The following CFAP61 variants were observed in gnomAD, a reference collection of about 807,000 sequenced individuals.
CFAP61 encodes cilia and flagella associated protein 61.
In CFAP61, 107 loss-of-function variants were observed where a neutral mutation model predicts 135.6. That is an observed-to-expected ratio of 0.79 (90% CI 0.67 to 0.93). CFAP61 has a LOEUF of 0.93. Among genes scored for constraint, CFAP61 ranks in the 40% least tolerant of loss-of-function variants. The pLI is 0.00. For synonymous variants in CFAP61, 575 were observed against 578.5 expected (o/e 0.99, Z 0.09); for missense variants, 1,507 against 1,556.2 (o/e 0.97, Z 0.53).
intron 1 of CFAP61, among the ~76,000 whole-genome samples, chr20:20,053,851 G>A (rs6046575): frequency 0.14 from 21,521 of 152,072 alleles, 1,664 homozygotes; most frequent in East Asian, 0.22. Context: ...ATGTGTTACT[G>A]TAAACAATTG....
intron 13 of CFAP61, among the ~76,000 whole-genome samples, chr20:20,184,362 T>C (rs1314596858): frequency 6.6e-6 from 1 of 152,214 alleles, no homozygotes; most frequent in African/African-American, 2.4e-5. Flanking sequence ...AGCCATGAGG[T>C]GGCAGCAGTG....
chr20:20,054,953 C>T (rs2044188935), intron 1 of CFAP61, among the ~76,000 whole-genome samples: 1 of 152,120 alleles, frequency 6.6e-6, no homozygotes, highest in African/African-American at 2.4e-5. Flanking sequence ...TTTTGGAATT[C>T]CCATAAGACA....
chr20:20,166,294 G>A, intron 11 of CFAP61, 103 bp from the exon 12 acceptor site: 2 of 879,076 alleles, frequency 2.3e-6, no homozygotes, highest in Non-Finnish European at 3.8e-6. Flanking sequence ...CTAGTGGTTG[G>A]CTAATCGCTG....
intron 26 of CFAP61, among the ~76,000 whole-genome samples, chr20:20,357,819 G>A (rs2059293897): frequency 8.3e-6 from 1 of 120,680 alleles, no homozygotes; most frequent in Non-Finnish European, 1.8e-5. Flanking sequence ...ATACTGAGGG[G>A]AGGTGGTCAC....
chr20:20,114,805 T>G (rs894297761), intron 8 of CFAP61, among the ~76,000 whole-genome samples: 3 of 152,206 alleles, frequency 2.0e-5, no homozygotes, highest in Admixed American at 6.5e-5. Context: ...CTTTTGTTGA[T>G]CTCAGAATTA....
At chr20:20,107,284 T>A (rs780192846) in intron 8 of CFAP61, among the ~76,000 whole-genome samples, 1 of 152,302 alleles carries the variant, frequency 6.6e-6, no homozygotes, top group Non-Finnish European at 1.5e-5. Context: ...ATGAAGCCAG[T>A]TATTTGACTA....
In CFAP61 at chr20:20,228,291, G is replaced by A. The variant is rs2048887302; in HGVS notation, c.1975G>A (p.Glu659Lys). Reference sequence around the variant, plus strand: ...CCATACAAACAGAAAACTAACATTGGAACCTAAAATTACTGTCAATGCCAA... The same window carrying A: ...CCATACAAACAGAAAACTAACATTGAAACCTAAAATTACTGTCAATGCCAA... The part of the protein sequence containing the change: ...LNHTNRKLTL[E>K]PKITVNAKII... Residue 659 changes from glutamate (E) to lysine (K), a missense_variant, in exon 18 of 27, where the codon GAA (glutamate) becomes AAA (lysine). Coordinates refer to ENST00000245957, the MANE Select transcript of CFAP61 (RefSeq NM_015585.4). 6.2e-7 allele frequency: 1 copy of A among 1,610,472 alleles called. No individual in the cohort carries two copies. The highest frequency in any genetic ancestry group is 8.5e-7 in the Non-Finnish European group (1 of 1,177,128).
At chr20:20,104,355 T>C (rs6046625) in intron 8 of CFAP61, among the ~76,000 whole-genome samples, 28,706 of 152,044 alleles carry the variant, frequency 0.19, 2,855 homozygotes, top group African/African-American at 0.21. Context: ...TATCTCAGAT[T>C]CCCTCATCTC....
At chr20:20,347,382 C>T (rs112077992) in intron 26 of CFAP61, among the ~76,000 whole-genome samples, 53 of 151,920 alleles carry the variant, frequency 3.5e-4, no homozygotes, top group Non-Finnish European at 6.5e-4. Flanking sequence ...AGGATTAGAA[C>T]AAAGATAAAT....
At chr20:20,065,554 G>A (rs992638049) in intron 2 of CFAP61, among the ~76,000 whole-genome samples, 1 of 149,562 alleles carries the variant, frequency 6.7e-6, no homozygotes, top group African/African-American at 2.5e-5. Flanking sequence ...TTTATATTAG[G>A]CAACTCCTGT....
At chr20:20,339,913 A>T (rs1292834286) in intron 25 of CFAP61, among the ~76,000 whole-genome samples, 1 of 152,264 alleles carries the variant, frequency 6.6e-6, no homozygotes, top group African/African-American at 2.4e-5. Flanking sequence ...TCCAGTTTGA[A>T]TGACGAAAGC....
At chr20:20,181,214 CATAT>C (rs1173312675) in intron 13 of CFAP61, among the ~76,000 whole-genome samples, 4 of 144,972 alleles carry the variant, frequency 2.8e-5, no homozygotes, top group South Asian at 2.2e-4. Context: ...TGTATATATA[CATAT>C]GTGTATATAT....
At chr20:20,257,257 G>GA (rs1428282374) in intron 20 of CFAP61, among the ~76,000 whole-genome samples, 2 of 152,098 alleles carry the variant, frequency 1.3e-5, no homozygotes, top group Non-Finnish European at 2.9e-5. Flanking sequence ...CAAGGCCTCA[G>GA]AAAAAATTAT....
chr20:20,263,467 AAT>A (rs1345245023), intron 21 of CFAP61, among the ~76,000 whole-genome samples: 2 of 124,362 alleles, frequency 1.6e-5, no homozygotes, highest in Non-Finnish European at 3.6e-5. Flanking sequence ...TTATATGGAA[AAT>A]ATGTCTTCTT....
chr20:20,246,916 G>A (rs1238876928), intron 19 of CFAP61, among the ~76,000 whole-genome samples: 2 of 152,128 alleles, frequency 1.3e-5, no homozygotes, highest in African/African-American at 4.8e-5. Context: ...TTCGAACAAT[G>A]AGAAAAAACA....
At chr20:20,132,879 C>T (rs1380270406) in intron 8 of CFAP61, among the ~76,000 whole-genome samples, 1 of 151,716 alleles carries the variant, frequency 6.6e-6, no homozygotes, top group African/African-American at 2.4e-5. Flanking sequence ...TTTCTATTTT[C>T]TTATATTTTA....
chr20:20,277,408 T>C lies in CFAP61; in HGVS notation c.2746T>C (p.Tyr916His), dbSNP rs766517439. 11 of 1,613,902 alleles carry C rather than the reference T, an allele frequency of 6.8e-6. No individual in the cohort carries two copies. The African/African-American group carries it at 1.2e-4, about 18-fold the overall frequency. ...WNDGLHPDPI[Y>H]SASFTTPTKP... ...TGACGGCCTGCACCCAGACCCCATCTACAGCGCCTCCTTCACCACACCCAC... is the reference window on the plus strand; with the variant it reads ...TGACGGCCTGCACCCAGACCCCATCCACAGCGCCTCCTTCACCACACCCAC... Residue 916 changes from tyrosine (Y) to histidine (H), a missense_variant, in exon 22 of 27, where the codon TAC becomes CAC. By Grantham distance (83) the Tyr-to-His change is moderately conservative. Transcript: ENST00000245957.
intron 25 of CFAP61, among the ~76,000 whole-genome samples, chr20:20,318,192 A>C (rs1339117648): frequency 6.6e-6 from 1 of 152,128 alleles, no homozygotes; most frequent in Non-Finnish European, 1.5e-5. Context: ...TGACACATGA[A>C]CGAATGTGAC....
At chr20:20,110,734 T>G (rs1383222287) in intron 8 of CFAP61, among the ~76,000 whole-genome samples, 3 of 152,136 alleles carry the variant, frequency 2.0e-5, no homozygotes, top group Non-Finnish European at 4.4e-5. Flanking sequence ...AGTGTTATAG[T>G]GAGCTTCCTG....
Sources: allele counts gnomAD v4.1 joint callset (sites outside exome capture counted in the v4.1 genomes callset), GRCh38; gene constraint gnomAD v4.1.1; transcripts MANE v1.5; gene names NCBI Gene and HGNC (gene_info 2026-07-23, HGNC 2026-07-21).